LRP1B: variants seen among roughly 807,000 people sequenced by gnomAD.
The protein encoded by LRP1B is low-density lipoprotein receptor-related protein 1B.
LRP1B carries 217 observed loss-of-function variants against 556.6 expected under a neutral mutation model. The ratio of observed to expected loss-of-function variants is 0.39; its 90% CI spans 0.35 to 0.44. LRP1B has a LOEUF of 0.44. LRP1B is among the 20% of genes least tolerant of loss of function. LRP1B has a pLI of 1.00. For synonymous variants in LRP1B, 2,047 were observed against 1,865.8 expected (o/e 1.10, Z -2.50); for missense variants, 5,053 against 5,620.8 (o/e 0.90, Z 3.23).
chr2:140,374,337 G>T (rs1324196935), intron 68 of LRP1B, among the ~76,000 whole-genome samples: 1 of 152,152 alleles, frequency 6.6e-6, no homozygotes, highest in African/African-American at 2.4e-5. Flanking sequence ...AGCAAGTAAA[G>T]CACGTTGAAC....
chr2:141,592,432 T>C (rs1687374291), intron 2 of LRP1B, among the ~76,000 whole-genome samples: 1 of 152,170 alleles, frequency 6.6e-6, no homozygotes, highest in East Asian at 1.9e-4. Flanking sequence ...GGTTCTCTTT[T>C]ATGAGGGCAC....
chr2:140,446,547 C>T lies in LRP1B; in HGVS notation c.10058-1868G>A, dbSNP rs78137067. 5.0e-3 allele frequency among the ~76,000 whole-genome samples: 763 copies of T among 152,122 alleles called. 9 individuals are homozygous for T. The highest frequency in any genetic ancestry group is 0.016 in the African/African-American group (657 of 41,514). On this transcript the variant is annotated intron_variant, in intron 63 of 90. Coordinates refer to ENST00000389484, the MANE Select transcript of LRP1B (RefSeq NM_018557.3). The stretch of plus-strand genomic sequence containing the variant: ...TGATGCATCTACCCGAAAGTGAAAT[C>T]TAAACGTTCCATAGACTCTTGCATA...
intron 41 of LRP1B, among the ~76,000 whole-genome samples, chr2:140,662,490 T>C (rs1459995913): frequency 6.6e-6 from 1 of 151,970 alleles, no homozygotes; most frequent in Non-Finnish European, 1.5e-5. Context: ...CCAAACTGAA[T>C]TAGATAAAGA....
At chr2:140,903,214 A>T in intron 22 of LRP1B, 49 bp from the exon 23 acceptor site, 1 of 1,581,486 alleles carries the variant, frequency 6.3e-7, no homozygotes, top group Non-Finnish European at 8.6e-7. Context: ...TGCTTTCCTC[A>T]GTTAAATACT....
intron 66 of LRP1B, among the ~76,000 whole-genome samples, chr2:140,435,721 G>T (rs1304773984): frequency 2.0e-5 from 3 of 151,752 alleles, no homozygotes; most frequent in Admixed American, 6.6e-5. Flanking sequence ...TCCTTTTGGT[G>T]GAGAGTCAAT....
chr2:141,024,138 G>GC (rs1271275404), intron 11 of LRP1B, among the ~76,000 whole-genome samples: 6 of 152,004 alleles, frequency 3.9e-5, no homozygotes, highest in African/African-American at 7.2e-5. Flanking sequence ...ATGAGGGAAT[G>GC]ACATTGATTT....
At chr2:142,089,218 T>A (rs1307627791) in intron 1 of LRP1B, among the ~76,000 whole-genome samples, 1 of 42,024 alleles carries the variant, frequency 2.4e-5, no homozygotes, top group Non-Finnish European at 4.5e-5. Context: ...AATTTTAGTT[T>A]TTTTCTGCAA....
chr2:141,004,790 G>C (rs537390271), intron 15 of LRP1B, among the ~76,000 whole-genome samples: 1 of 152,164 alleles, frequency 6.6e-6, no homozygotes, highest in Admixed American at 6.6e-5. Context: ...AGTTTCAAAA[G>C]TCATAACAGA....
Position 140,378,288 on chromosome 2 carries a change from T to TG in LRP1B, c.10532-3dup. On this transcript the variant is annotated splice_region_variant and splice_polypyrimidine_tract_variant and intron_variant, in intron 67 of 90. Coordinates refer to ENST00000389484, the MANE Select transcript of LRP1B (RefSeq NM_018557.3). ...CTTTCAATGTACATGTCTGTGGCTC[T>TG]GGGGATAAAAAAACAGCACAGGGTT... 6.4e-7 allele frequency: 1 copy of TG among 1,570,318 alleles called. No homozygotes were observed. The highest frequency in any genetic ancestry group is 8.8e-7 in the Non-Finnish European group (1 of 1,142,502).
Position 140,442,601 on chromosome 2 carries a change from G to A in LRP1B, c.10317C>T (p.Asp3439=). The change falls in exon 66 of 91, where the codon GAC becomes GAT. Residue 3439 remains aspartate, a synonymous_variant. Coordinates refer to ENST00000389484, the MANE Select transcript of LRP1B (RefSeq NM_018557.3). ...RDCPENSCSP[D]YFQCKTTKHC... is the part of the protein sequence containing the mutation. ...GCTTCGTAGTCTTACACTGGAAATA[G>A]TCTGGAGAACAGCTGTTTTCAGCTT... 1 of 1,613,822 alleles carries A rather than the reference G, an allele frequency of 6.2e-7. No homozygotes were observed. The highest frequency in any genetic ancestry group is 1.7e-5 in the Admixed American group (1 of 59,994).
chr2:140,438,134 A>C (rs1686268627), intron 66 of LRP1B, among the ~76,000 whole-genome samples: 1 of 152,160 alleles, frequency 6.6e-6, no homozygotes, highest in African/African-American at 2.4e-5. Context: ...CTCCAGCCTC[A>C]GCCTCCAGAG....
intron 1 of LRP1B, among the ~76,000 whole-genome samples, chr2:141,896,259 C>T (rs1312975387): frequency 6.6e-6 from 1 of 152,114 alleles, no homozygotes; most frequent in Non-Finnish European, 1.5e-5. Flanking sequence ...TTCTTAGTCA[C>T]CTTTTACTTA....
rs527486861 is a variant in LRP1B, at chr2:141,963,428, G to C, written c.83-153027C>G. 2.6e-5 allele frequency among the ~76,000 whole-genome samples: 4 copies of C among 151,988 alleles called. No individual in the cohort carries two copies. In the East Asian group the frequency reaches 7.8e-4, roughly 30 times the overall value. On this transcript the variant is annotated intron_variant, in intron 1 of 90. Transcript: ENST00000389484. ...ATTGGCTTCATCCCTGGGATGCAAG[G>C]CTGGTTCAATATATGCAAATCAATA...
intron 1 of LRP1B, among the ~76,000 whole-genome samples, chr2:142,102,430 A>G (rs2104971618): frequency 6.6e-6 from 1 of 151,994 alleles, no homozygotes; most frequent in Admixed American, 6.6e-5. Flanking sequence ...TTGGAGACAA[A>G]TGTCAGGGCT....
intron 1 of LRP1B, among the ~76,000 whole-genome samples, chr2:142,041,812 G>T (rs1331574952): frequency 6.6e-6 from 1 of 151,362 alleles, no homozygotes; most frequent in East Asian, 1.9e-4. Flanking sequence ...CTTTTGCAAA[G>T]GTATTATGTG....
chr2:141,287,347 G>C (rs535485069), intron 3 of LRP1B, among the ~76,000 whole-genome samples: 2 of 146,188 alleles, frequency 1.4e-5, no homozygotes, highest in South Asian at 4.3e-4. Context: ...TTTTGAGACA[G>C]AGTCTCACTC....
At chr2:141,096,291 T>C (rs914724331) in intron 7 of LRP1B, among the ~76,000 whole-genome samples, 11 of 151,842 alleles carry the variant, frequency 7.2e-5, no homozygotes, top group African/African-American at 2.4e-4. Context: ...AACCTTTTAT[T>C]AACTGTAAAT....
intron 41 of LRP1B, among the ~76,000 whole-genome samples, chr2:140,631,026 G>C (rs1683862129): frequency 6.6e-6 from 1 of 152,118 alleles, no homozygotes; most frequent in Non-Finnish European, 1.5e-5. Context: ...TATTACATTT[G>C]AAAGAGCTGC....
intron 7 of LRP1B, among the ~76,000 whole-genome samples, chr2:141,169,770 C>T (rs1680418207): frequency 6.9e-6 from 1 of 144,450 alleles, no homozygotes; most frequent in Admixed American, 7.1e-5. Flanking sequence ...AAAGATATGG[C>T]TCTCTCCAGT....
Sources: gnomAD v4.1 joint callset for allele counts (sites outside exome capture counted in the v4.1 genomes callset) on GRCh38, gnomAD v4.1.1 for gene constraint, MANE v1.5 for transcripts, NCBI Gene and HGNC (gene_info 2026-07-23, HGNC 2026-07-21) for gene names.